Variants in ZHX2 observed in about 807,000 individuals in gnomAD.
The protein encoded by ZHX2 is zinc fingers and homeoboxes 2.
In ZHX2, 6 loss-of-function variants were observed where a neutral mutation model predicts 21.9. That is an observed-to-expected ratio of 0.27 (90% CI 0.15 to 0.54). The LOEUF (loss-of-function observed/expected upper bound fraction) is 0.54. Among genes scored for constraint, ZHX2 ranks in the 20% least tolerant of loss-of-function variants. The pLI is 0.95. For synonymous variants in ZHX2, 434 were observed against 437.1 expected (o/e 0.99, Z 0.09); for missense variants, 908 against 1,090.7 (o/e 0.83, Z 2.36).
intron 2 of ZHX2, among the ~76,000 whole-genome samples, chr8:122,935,316 C>A (rs1024814042): frequency 2.6e-5 from 4 of 151,842 alleles, no homozygotes; most frequent in Admixed American, 6.6e-5. Context: ...CTTTTTAAGA[C>A]CTTTCAAAAA....
chr8:122,952,175 C>A lies in ZHX2; in HGVS notation c.665C>A (p.Thr222Lys). 6.2e-7 allele frequency: 1 copy of A among 1,613,594 alleles called. No homozygotes were observed. The highest frequency in any genetic ancestry group is 8.5e-7 in the Non-Finnish European group (1 of 1,179,922). The change falls in exon 3 of 4, where the codon ACA (threonine) becomes AAA (lysine). Residue 222 changes from threonine to lysine, a missense_variant. Thr to Lys is a moderately conservative substitution (Grantham distance 78). Transcript: ENST00000314393. The surrounding 1 kb of genome is among the most constrained non-coding windows in gnomAD (Gnocchi z 6.9). ...GGGACCGCCCGCCTGGTGACAGACA[C>A]AGCTGAGATCCTCTCGAGACTCGGC... ...VEGTARLVTD[T>K]AEILSRLGGV... is the part of the protein sequence containing the mutation.
intron 1 of ZHX2, chr8:122,811,901 A>G (rs1394048034): frequency 6.6e-6 from 1 of 152,186 alleles, no homozygotes; most frequent in Admixed American, 6.5e-5. Flanking sequence ...TCTATTGATC[A>G]CCTGTTTTGT....
chr8:122,785,809 G>A (rs527286110), intron 1 of ZHX2, among the ~76,000 whole-genome samples: 1 of 152,310 alleles, frequency 6.6e-6, no homozygotes, highest in Admixed American at 6.5e-5. Flanking sequence ...AGGGAAGGCT[G>A]TGCAAAGAGA....
chr8:122,885,373 G>A, intron 2 of ZHX2, among the ~76,000 whole-genome samples: 1 of 152,332 alleles, frequency 6.6e-6, no homozygotes, highest in South Asian at 2.1e-4. Flanking sequence ...GCATTTGGTT[G>A]TGATCAAAGC....
chr8:122,815,616 G>C (rs1471845309), intron 1 of ZHX2: 3 of 156,934 alleles, frequency 1.9e-5, no homozygotes. Context: ...GACAACAAAG[G>C]ATTTAGACTA....
At chr8:122,803,099 C>A (rs1022920020) in intron 1 of ZHX2, among the ~76,000 whole-genome samples, 1 of 152,098 alleles carries the variant, frequency 6.6e-6, no homozygotes, top group Non-Finnish European at 1.5e-5. Context: ...ACTCCCTCCC[C>A]ATCCCCTGTT....
intron 1 of ZHX2, chr8:122,812,134 A>G (rs11785378): frequency 0.29 from 44,777 of 152,174 alleles, 7,590 homozygotes; most frequent in Middle Eastern, 0.5. Flanking sequence ...CTGGGGAAAG[A>G]GCATTCCAGG....
At chr8:122,930,607 G>A (rs1343620342) in intron 2 of ZHX2, among the ~76,000 whole-genome samples, 1 of 150,788 alleles carries the variant, frequency 6.6e-6, no homozygotes. Context: ...AAATAGATGG[G>A]GTTACAGGCA....
intron 1 of ZHX2, among the ~76,000 whole-genome samples, chr8:122,798,304 G>A (rs1452247505): frequency 6.6e-6 from 1 of 152,228 alleles, no homozygotes; most frequent in Non-Finnish European, 1.5e-5. Context: ...TGCTGATCAG[G>A]AGGGACCCTA....
chr8:122,780,711 C>G (rs907381896), upstream of ZHX2: 1 of 152,244 alleles, frequency 6.6e-6, no homozygotes, highest in South Asian at 2.1e-4. Context: ...GCGGTGAGAG[C>G]TCCGCTCCCA....
At chr8:122,791,253 A>T (rs1046741337) in intron 1 of ZHX2, among the ~76,000 whole-genome samples, 6 of 152,192 alleles carry the variant, frequency 3.9e-5, no homozygotes, top group African/African-American at 1.4e-4. Context: ...AGCCCATGTC[A>T]TTTGCACAGC....
At chr8:122,955,932 C>T (rs548853514) in intron 3 of ZHX2, among the ~76,000 whole-genome samples, 26 of 150,922 alleles carry the variant, frequency 1.7e-4, no homozygotes, top group Non-Finnish European at 3.1e-4. Context: ...GCAACCTCCA[C>T]CTCTTGGGTT....
At chr8:122,882,753 G>A (rs1192970596) in intron 2 of ZHX2, among the ~76,000 whole-genome samples, 1 of 152,138 alleles carries the variant, frequency 6.6e-6, no homozygotes, top group African/African-American at 2.4e-5. Context: ...AGGCTGAGGT[G>A]GGAGGATCAC....
At chr8:122,947,174 G>T (rs1233755692) in intron 2 of ZHX2, among the ~76,000 whole-genome samples, 2 of 151,660 alleles carry the variant, frequency 1.3e-5, no homozygotes, top group Middle Eastern at 3.4e-3. Context: ...GCTAAGGCAG[G>T]AAAATTGCTT....
At position 122,951,771 on chromosome 8, in the gene ZHX2, G is replaced by A. The variant is rs61752912; in HGVS notation, c.261G>A (p.Thr87=). ...GYECKYCPYS[T]QNLNEFTEHV... is the part of the protein sequence containing the mutation. ...AGTGCAAATACTGCCCCTACTCCAC[G>A]CAAAACCTGAACGAGTTCACGGAGC... Residue 87 remains threonine (T), a synonymous_variant, in exon 3 of 4, where the codon ACG becomes ACA. Transcript: ENST00000314393. The A allele has an allele frequency of 0.025, 39,842 of 1,613,988 alleles. 635 individuals carry two copies. Among genetic ancestry groups the A allele is most frequent in the Middle Eastern group, 0.073 (445 of 6,062 alleles).
chr8:122,811,512 A>G (rs1474982334), intron 1 of ZHX2, among the ~76,000 whole-genome samples: 1 of 152,256 alleles, frequency 6.6e-6, no homozygotes, highest in Non-Finnish European at 1.5e-5. Context: ...TGGAAGAACC[A>G]GACAAGGGGA....
rs1813190123 is a variant in ZHX2 at position 122,953,363 on chromosome 8, C to T, written c.1853C>T (p.Ser618Phe). The T allele has an allele frequency of 6.2e-7, 1 of 1,614,160 alleles. No homozygotes were observed. Among genetic ancestry groups the T allele is most frequent in the African/African-American group, 1.3e-5 (1 of 75,054 alleles). The change falls in exon 3 of 4, where the codon TCC becomes TTC. Residue 618 changes from serine (S) to phenylalanine (F), a missense_variant. By Grantham distance (155) the Ser-to-Phe change is radical. Coordinates refer to ENST00000314393, the MANE Select transcript of ZHX2 (RefSeq NM_014943.5). This position sits in a 1 kb window ranked among gnomAD's most constrained non-coding sequence, Gnocchi z 4.6. ...NGALSRLDQL[S>F]GAQLTSSLPS... is the part of the protein sequence containing the mutation. ...GCTCTGTCTCGACTCGACCAGCTCT[C>T]CGGTGCCCAGTTAACAAGTTCTCTG... is the stretch of plus-strand genomic sequence containing the variant.
chr8:122,957,661 G>C (rs1306907424), intron 3 of ZHX2, among the ~76,000 whole-genome samples: 1 of 152,084 alleles, frequency 6.6e-6, no homozygotes, highest in Non-Finnish European at 1.5e-5. Context: ...AGTAGAGGTG[G>C]GGTTTCACCA....
At chr8:122,877,746 G>A (rs546380525) in intron 2 of ZHX2, among the ~76,000 whole-genome samples, 1 of 152,284 alleles carries the variant, frequency 6.6e-6, no homozygotes, top group African/African-American at 2.4e-5. Context: ...GAGAGGATGG[G>A]ACTGGAAAGT....
Sources: gnomAD v4.1 joint callset for allele counts (sites outside exome capture counted in the v4.1 genomes callset) on GRCh38, gnomAD v4.1.1 for gene constraint, Gnocchi (gnomAD v3.1) non-coding constraint, MANE v1.5 for transcripts, NCBI Gene and HGNC (gene_info 2026-07-23, HGNC 2026-07-21) for gene names.